SLF1: variants seen among roughly 807,000 people sequenced by gnomAD.
SLF1 encodes SMC5-SMC6 complex localization factor protein 1.
SLF1 carries 105 observed loss-of-function variants against 123.0 expected under a neutral mutation model. That is an observed-to-expected ratio of 0.85 (90% confidence interval 0.73 to 1.00). The LOEUF is 1.00. Among genes scored for constraint, SLF1 ranks in the 50% least tolerant of loss-of-function variants. The pLI is 0.00. For missense variants in SLF1, 1,239 were observed against 1,223.0 expected (o/e 1.01, Z -0.20); for synonymous variants, 434 against 406.6 (o/e 1.07, Z -0.81).
At chr5:94,628,984 G>A (rs2152466314) in intron 2 of SLF1, 60 bp downstream of exon 2, 1 of 1,414,116 alleles carries the variant, frequency 7.1e-7, no homozygotes, top group Non-Finnish European at 9.6e-7. Context: ...TTCAAATACT[G>A]GCCTAAGAAT....
At chr5:94,665,768 G>A (rs2152487820) in intron 11 of SLF1, 93 bp from the exon 12 acceptor site, 1 of 1,148,022 alleles carries the variant, frequency 8.7e-7, no homozygotes, top group Non-Finnish European at 1.2e-6. Context: ...AGAAAGTTAG[G>A]CCAGGGTTAC....
rs940467249 is a variant in SLF1 at position 94,664,021 on chromosome 5, T to C, written c.1368+113T>C. 106 of 1,118,104 alleles carry C rather than the reference T, an allele frequency of 9.5e-5. 1 individual carries two copies. In the African/African-American group the frequency reaches 1.1e-3, roughly 11 times the overall value. 69.3% of individuals were successfully genotyped at this position (1,118,104 alleles called of 1,614,324 possible). A position where few individuals can be genotyped will look rare whatever the true frequency, so the allele number is the denominator to read the frequency against. ...ATTTTCCCTGTTCAGTGTTTTTTTT[T>C]CTTCATTTCACTAATGCAGTACCCA... is the stretch of plus-strand genomic sequence containing the variant. On this transcript the variant is annotated intron_variant, in intron 11 of 20. Coordinates refer to ENST00000265140, the MANE Select transcript of SLF1 (RefSeq NM_032290.4).
intron 15 of SLF1, among the ~76,000 whole-genome samples, chr5:94,684,075 A>G (rs2112449): frequency 0.54 from 81,757 of 151,894 alleles, 22,186 homozygotes; most frequent in African/African-American, 0.6. Flanking sequence ...CCTTATTTCT[A>G]TAAGCCTACC....
At chr5:94,686,511 C>G in intron 15 of SLF1, 62 bp from the exon 16 acceptor site, 1 of 1,547,716 alleles carries the variant, frequency 6.5e-7, no homozygotes, top group Non-Finnish European at 8.8e-7. Context: ...AAGGAAATAG[C>G]CTATGGAAAA....
chr5:94,624,764 G>A (rs2152462921), intron 1 of SLF1, among the ~76,000 whole-genome samples: 1 of 152,072 alleles, frequency 6.6e-6, no homozygotes, highest in South Asian at 2.1e-4. Context: ...GAATAGGCAA[G>A]ATTTTAGACT....
At chr5:94,668,345 G>T (rs1258315927) in intron 12 of SLF1, among the ~76,000 whole-genome samples, 4 of 151,702 alleles carry the variant, frequency 2.6e-5, no homozygotes, top group African/African-American at 9.7e-5. Flanking sequence ...TTGTTTGTTT[G>T]TTTTTTGAGA....
intron 1 of SLF1, among the ~76,000 whole-genome samples, chr5:94,621,169 A>G (rs1168253149): frequency 6.6e-6 from 1 of 152,144 alleles, no homozygotes; most frequent in African/African-American, 2.4e-5. Context: ...GTGTTAGCTG[A>G]AAGTAGATTG....
intron 5 of SLF1, among the ~76,000 whole-genome samples, chr5:94,649,210 A>T (rs1256627942): frequency 6.6e-6 from 1 of 152,192 alleles, no homozygotes; most frequent in Non-Finnish European, 1.5e-5. Context: ...TTGTTAGTAG[A>T]TGAACAAAGC....
intron 9 of SLF1, among the ~76,000 whole-genome samples, chr5:94,662,062 C>T (rs1159226585): frequency 1.3e-5 from 2 of 151,866 alleles, no homozygotes; most frequent in African/African-American, 4.8e-5. Context: ...ATCTTCAAAG[C>T]GAATATGACT....
chr5:94,634,718 C>T (rs545636512), intron 4 of SLF1, among the ~76,000 whole-genome samples: 6 of 152,234 alleles, frequency 3.9e-5, no homozygotes, highest in South Asian at 2.1e-4. Flanking sequence ...TCCCTTTTCT[C>T]GATACCTTCA....
chr5:94,638,458 G>A (rs982513843), intron 4 of SLF1, among the ~76,000 whole-genome samples: 11 of 152,222 alleles, frequency 7.2e-5, no homozygotes, highest in East Asian at 3.9e-4. Context: ...GATTACAGGC[G>A]TGAGCCACCA....
chr5:94,619,155 G>T (rs1791364014), intron 1 of SLF1, among the ~76,000 whole-genome samples: 1 of 152,170 alleles, frequency 6.6e-6, no homozygotes, highest in Non-Finnish European at 1.5e-5. Context: ...TAGAACCCAT[G>T]GGGACGCCTC....
chr5:94,653,476 G>C, intron 8 of SLF1, 55 bp downstream of exon 8: 1 of 1,377,392 alleles, frequency 7.3e-7, no homozygotes, highest in Non-Finnish European at 9.6e-7. Flanking sequence ...GCTGTTCTCT[G>C]ATATAATCTA....
intron 4 of SLF1, among the ~76,000 whole-genome samples, chr5:94,641,344 T>A (rs1255033955): frequency 6.6e-6 from 1 of 152,194 alleles, no homozygotes; most frequent in African/African-American, 2.4e-5. Flanking sequence ...CTTCTGCTTA[T>A]CTTCATGGGA....
Position 94,653,323 on chromosome 5 carries a change from A to G in SLF1, c.934A>G (p.Arg312Gly), listed in dbSNP as rs1418075636. The change falls in exon 8 of 21, where the codon AGA becomes GGA. Residue 312 changes from arginine (R) to glycine (G), a missense_variant. Coordinates refer to ENST00000265140, the MANE Select transcript of SLF1 (RefSeq NM_032290.4). ...TATTCAGAGGAGTTATACTTTGAGG[A>G]GAAAACGCAAGAAAGGAAAAGAAAG... is the stretch of plus-strand genomic sequence containing the variant. ...EDIQRSYTLR[R>G]KRKKGKESNC... 2.0e-6 allele frequency: 3 copies of G among 1,526,770 alleles called. No homozygotes were observed. The highest frequency in any genetic ancestry group is 1.4e-5 in the African/African-American group (1 of 70,850). 94.6% of individuals were successfully genotyped at this position (1,526,770 alleles called of 1,614,324 possible).
intron 1 of SLF1, among the ~76,000 whole-genome samples, chr5:94,628,383 G>A (rs1454034166): frequency 3.3e-5 from 5 of 149,920 alleles, no homozygotes; most frequent in Admixed American, 1.3e-4. Flanking sequence ...GTGATCCGCC[G>A]GCCTCGGCCT....
At chr5:94,619,068 C>G (rs1791337225) in intron 1 of SLF1, among the ~76,000 whole-genome samples, 2 of 152,264 alleles carry the variant, frequency 1.3e-5, no homozygotes, top group Middle Eastern at 6.8e-3. Context: ...AGCCACTTCC[C>G]CCGCTTCTGC....
chr5:94,647,693 T>G (rs534732661), intron 5 of SLF1, among the ~76,000 whole-genome samples: 1 of 152,362 alleles, frequency 6.6e-6, no homozygotes, highest in Admixed American at 6.5e-5. Context: ...TAAAAATGAC[T>G]ATTTATAGTT....
At position 94,696,812 on chromosome 5, in the gene SLF1, T is replaced by A. The variant is rs1196004475; in HGVS notation, c.*1500T>A. The A allele has an allele frequency of 6.6e-6, 1 of 151,858 alleles. No homozygotes were observed. Among genetic ancestry groups the A allele is most frequent in the Non-Finnish European group, 1.5e-5 (1 of 67,876 alleles). 9.4% of individuals were successfully genotyped at this position (151,858 alleles called of 1,614,324 possible). A position where few individuals can be genotyped will look rare whatever the true frequency, so the allele number is the denominator to read the frequency against. On this transcript the variant is annotated 3_prime_UTR_variant, in exon 21 of 21. Transcript: ENST00000265140. ...ATTCTTTTCTGAGCTTTGGCTTTCC[T>A]ACATGTCAAATAGAAATCACACCAG...
Sources: allele counts gnomAD v4.1 joint callset (sites outside exome capture counted in the v4.1 genomes callset), GRCh38; gene constraint gnomAD v4.1.1; transcripts MANE v1.5; gene names NCBI Gene and HGNC (gene_info 2026-07-23, HGNC 2026-07-21).